Variants in ADCY5 observed in about 807,000 individuals in gnomAD.
ADCY5 encodes the protein adenylate cyclase type 5.
Under a neutral mutation model 119.7 loss-of-function variants are expected in ADCY5, and 30 were observed. The ratio of observed to expected loss-of-function variants is 0.25; its 90% confidence interval spans 0.19 to 0.34. The LOEUF is 0.34. ADCY5 is among the 10% of genes least tolerant of loss of function. ADCY5 has a pLI of 1.00. For synonymous variants in ADCY5, 753 were observed against 762.2 expected (o/e 0.99, Z 0.20); for missense variants, 1,324 against 1,775.2 (o/e 0.75, Z 4.57).
rs1940355112 is a variant in ADCY5, at chr3:123,308,673, C to T, written c.2443-4490G>A. The stretch of plus-strand genomic sequence containing the variant: ...TGAAACCATGTCTCTACTAAAAATA[C>T]AAAAAATTAGCCGGGCTTGGTGGCA... On this transcript the variant is annotated intron_variant, in intron 12 of 20. Coordinates refer to ENST00000462833, the MANE Select transcript of ADCY5 (RefSeq NM_183357.3). Among the ~76,000 whole-genome samples the T allele has an allele frequency of 1.3e-5, 2 of 151,858 alleles. 1 individual carries two copies. The highest frequency in any genetic ancestry group is 4.2e-4 in the South Asian group (2 of 4,814).
intron 17 of ADCY5, among the ~76,000 whole-genome samples, chr3:123,292,085 A>G (rs1939189700): frequency 6.6e-6 from 1 of 152,248 alleles, no homozygotes; most frequent in African/African-American, 2.4e-5. Context: ...TCAAGAGGCC[A>G]GTAGTGCCCT....
intron 1 of ADCY5, among the ~76,000 whole-genome samples, chr3:123,396,108 CAGAA>C (rs1198907146): frequency 7.2e-5 from 3 of 41,642 alleles, no homozygotes; most frequent in African/African-American, 9.9e-5. Flanking sequence ...AGGAAGAAGA[CAGAA>C]AGAAAGAGAG....
intron 2 of ADCY5, among the ~76,000 whole-genome samples, chr3:123,351,617 C>T (rs1175425152): frequency 6.6e-6 from 1 of 152,180 alleles, no homozygotes; most frequent in Non-Finnish European, 1.5e-5. Flanking sequence ...ACTCTCTCCC[C>T]TAGGCCACAC....
At chr3:123,389,241 CAG>C (rs1341712120) in intron 1 of ADCY5, among the ~76,000 whole-genome samples, 1 of 152,110 alleles carries the variant, frequency 6.6e-6, no homozygotes, top group Non-Finnish European at 1.5e-5. Flanking sequence ...CTGGGAGCTA[CAG>C]AGAGGACAGC....
intron 3 of ADCY5, among the ~76,000 whole-genome samples, chr3:123,335,132 G>C (rs1205067720): frequency 3.9e-5 from 6 of 152,064 alleles, no homozygotes; most frequent in Non-Finnish European, 7.4e-5. Flanking sequence ...TGGAGTCCCA[G>C]GCAACTTGGG....
intron 1 of ADCY5, among the ~76,000 whole-genome samples, chr3:123,369,983 C>T (rs950162858): frequency 3.9e-5 from 6 of 152,170 alleles, no homozygotes; most frequent in South Asian, 4.1e-4. Flanking sequence ...ACCACGGCCA[C>T]GGGAAGCACT....
chr3:123,326,446 CTCTT>C (rs1312474650), intron 7 of ADCY5, among the ~76,000 whole-genome samples: 3 of 152,202 alleles, frequency 2.0e-5, no homozygotes, highest in African/African-American at 7.2e-5. Context: ...GTGCCTGTTA[CTCTT>C]TCTGTCTCCA....
Position 123,447,783 on chromosome 3 carries a change from C to T in ADCY5, c.763G>A (p.Val255Ile), listed in dbSNP as rs926118054. 6.2e-6 allele frequency: 10 copies of T among 1,610,612 alleles called. No individual in the cohort carries two copies. The highest frequency in any genetic ancestry group is 8.5e-6 in the Non-Finnish European group (10 of 1,178,352). The change falls in exon 1 of 21, where the codon GTC becomes ATC. Residue 255 changes from valine to isoleucine, a missense_variant. By Grantham distance (29) the Val-to-Ile change is conservative. This residue lies in a region of ADCY5 where 585 missense variants were observed against 569.9 expected (regional missense o/e 1.03). Transcript: ENST00000462833. ...CGCGCCGCGTGGAAGGCCAACATGA[C>T]CAGGCACACGAGCACCAGCACGGCC... ...LMAVLVLVCL[V>I]MLAFHAARPP...
rs56185421 is a variant in ADCY5, at chr3:123,345,769, G to GACACACACACACACACACACAC, written c.1406+1991_1406+2012dup. The stretch of plus-strand genomic sequence containing the variant: ...AGACAGACAGACAGACAGACAGACA[G>GACACACACACACACACACACAC]ACACACACACACACACACACACACA... On this transcript the variant is annotated intron_variant, in intron 3 of 20. Transcript: ENST00000462833. 2.1e-3 allele frequency among the ~76,000 whole-genome samples: 240 copies of GACACACACACACACACACACAC among 113,796 alleles called. 2 individuals are homozygous for GACACACACACACACACACACAC. Among genetic ancestry groups the GACACACACACACACACACACAC allele is most frequent in the African/African-American group, 8.0e-3 (203 of 25,346 alleles). The allele number at this position is 113,796 out of a possible 152,430, so 74.7% of individuals were successfully genotyped here. A position where few individuals can be genotyped will look rare whatever the true frequency, so the allele number is the denominator to read the frequency against.
At chr3:123,356,202 G>C (rs1170707452) in intron 1 of ADCY5, among the ~76,000 whole-genome samples, 5 of 152,010 alleles carry the variant, frequency 3.3e-5, no homozygotes, top group African/African-American at 9.7e-5. Flanking sequence ...ACCCTTAGAA[G>C]AAAACATAGG....
intron 3 of ADCY5, among the ~76,000 whole-genome samples, chr3:123,338,115 T>A (rs1942103370): frequency 2.0e-5 from 3 of 151,686 alleles, no homozygotes; most frequent in Non-Finnish European, 4.4e-5. Flanking sequence ...TGTGAGGAGC[T>A]CCACGTGCCT....
intron 17 of ADCY5, among the ~76,000 whole-genome samples, chr3:123,294,748 C>A (rs186977447): frequency 1.4e-3 from 212 of 152,294 alleles, no homozygotes; most frequent in Middle Eastern, 3.4e-3. Flanking sequence ...CTGCCGCACC[C>A]CTGCTGATCG....
At chr3:123,378,233 T>C (rs1943908895) in intron 1 of ADCY5, among the ~76,000 whole-genome samples, 1 of 152,174 alleles carries the variant, frequency 6.6e-6, no homozygotes, top group African/African-American at 2.4e-5. Context: ...GAGGGGTGGA[T>C]ACCCTGCTTC....
At chr3:123,321,817 G>A (rs1409804212) in intron 8 of ADCY5, among the ~76,000 whole-genome samples, 3 of 152,170 alleles carry the variant, frequency 2.0e-5, no homozygotes, top group Non-Finnish European at 4.4e-5. Flanking sequence ...TAGACATGGG[G>A]CCCTGGTGGT....
chr3:123,300,332 C>G, intron 14 of ADCY5, 37 bp from the exon 15 acceptor site: 1 of 1,603,400 alleles, frequency 6.2e-7, no homozygotes, highest in East Asian at 2.3e-5. Flanking sequence ...CTCCCCAGGC[C>G]CTGCCCGACC....
In ADCY5 at chr3:123,317,407, G is replaced by A. The variant is rs72964550; in HGVS notation, c.2354+613C>T. ...GGGTGACTCAATTGTCAGTGATGGG[G>A]TGGGTTAATGGGACGAGACAATTAA... On this transcript the variant is annotated intron_variant, in intron 11 of 20. Transcript: ENST00000462833. Among the ~76,000 whole-genome samples, 1,235 of 152,072 alleles carry A rather than the reference G, an allele frequency of 8.1e-3. 14 individuals are homozygous for A. Among genetic ancestry groups the A allele is most frequent in the African/African-American group, 0.028 (1,148 of 41,454 alleles).
intron 6 of ADCY5, 92 bp downstream of exon 6, chr3:123,328,552 T>G: frequency 1.0e-6 from 1 of 1,003,666 alleles, no homozygotes. Context: ...CACCCCACCC[T>G]GCCCCGCCTC....
At chr3:123,398,480 C>T (rs1406273718) in intron 1 of ADCY5, among the ~76,000 whole-genome samples, 1 of 152,180 alleles carries the variant, frequency 6.6e-6, no homozygotes, top group East Asian at 1.9e-4. Context: ...CACTGCACCC[C>T]AGCCCCTTGT....
intron 1 of ADCY5, among the ~76,000 whole-genome samples, chr3:123,398,945 G>T (rs1944679612): frequency 6.6e-6 from 1 of 152,176 alleles, no homozygotes; most frequent in Non-Finnish European, 1.5e-5. Context: ...TCCTTCATTA[G>T]GCCTCGAGAA....
Sources: allele counts gnomAD v4.1 joint callset (sites outside exome capture counted in the v4.1 genomes callset), GRCh38; gene constraint gnomAD v4.1.1; regional missense constraint gnomAD v4.1.1; transcripts MANE v1.5; gene names NCBI Gene and HGNC (gene_info 2026-07-23, HGNC 2026-07-21).